PARD3B: variants seen among roughly 807,000 people sequenced by gnomAD.
PARD3B encodes partitioning defective 3 homolog B.
In PARD3B, 103 loss-of-function variants were observed where a neutral mutation model predicts 130.2. The ratio of observed to expected loss-of-function variants is 0.79; its 90% CI spans 0.67 to 0.93. The LOEUF (loss-of-function observed/expected upper bound fraction) is 0.93. Ranked by LOEUF, PARD3B falls within the 40% of genes least tolerant of loss-of-function variation. PARD3B has a pLI of 0.00. For missense variants in PARD3B, 1,609 were observed against 1,499.2 expected (o/e 1.07, Z -1.21); for synonymous variants, 583 against 553.2 (o/e 1.05, Z -0.76).
chr2:205,431,951 G>A (rs892935062), intron 19 of PARD3B, among the ~76,000 whole-genome samples: 1 of 152,086 alleles, frequency 6.6e-6, no homozygotes, highest in African/African-American at 2.4e-5. Context: ...CTTCTCTAAA[G>A]TTAAGACTTC....
rs916791795 is a variant in PARD3B, at chr2:205,122,373, G to A, written c.1165+424G>A. On this transcript the variant is annotated intron_variant, in intron 8 of 22. Coordinates refer to ENST00000406610, the MANE Select transcript of PARD3B (RefSeq NM_001302769.2). This position sits in a 1 kb window ranked among gnomAD's most constrained non-coding sequence, Gnocchi z 4.3. ...TCTAACAACAAAAATTTACTCCTCA[G>A]AAAGCAAATATGTAATGTTTACTAA... is the stretch of plus-strand genomic sequence containing the variant. Among the ~76,000 whole-genome samples, 16 of 152,132 alleles carry A rather than the reference G, an allele frequency of 1.1e-4. No homozygotes were observed. The highest frequency in any genetic ancestry group is 3.4e-4 in the African/African-American group (14 of 41,422).
chr2:205,238,138 C>T (rs151252611), intron 15 of PARD3B, among the ~76,000 whole-genome samples: 25 of 152,270 alleles, frequency 1.6e-4, no homozygotes, highest in African/African-American at 4.3e-4. Context: ...AGTACCTGAG[C>T]GGTGCTAGAC....
At chr2:205,344,194 T>TTGTGTTTGTGTGTGTGTG (rs148707708) in intron 18 of PARD3B, among the ~76,000 whole-genome samples, 204 of 141,030 alleles carry the variant, frequency 1.4e-3, no homozygotes, top group African/African-American at 5.0e-3. Flanking sequence ...GTCAGTTGGT[T>TTGTGTTTGTGTGTGTGTG]TGTGTGTGTG....
chr2:205,376,134 T>G (rs374866152), intron 18 of PARD3B, among the ~76,000 whole-genome samples: 99 of 152,244 alleles, frequency 6.5e-4, no homozygotes, highest in African/African-American at 2.1e-3. Context: ...CATTTAACTT[T>G]CCATAATCCT....
At chr2:205,010,766 C>T (rs1695645857) in intron 3 of PARD3B, among the ~76,000 whole-genome samples, 1 of 152,080 alleles carries the variant, frequency 6.6e-6, no homozygotes, top group African/African-American at 2.4e-5. Flanking sequence ...TTAGCATCCT[C>T]TATTTATCCC....
chr2:205,548,340 T>C (rs987695590), intron 21 of PARD3B, among the ~76,000 whole-genome samples: 1 of 152,156 alleles, frequency 6.6e-6, no homozygotes, highest in Non-Finnish European at 1.5e-5. Context: ...GACATCTCCA[T>C]TGACATGTCT....
chr2:204,726,821 C>T (rs1029761546), intron 2 of PARD3B, among the ~76,000 whole-genome samples: 5 of 152,174 alleles, frequency 3.3e-5, no homozygotes, highest in African/African-American at 4.8e-5. Flanking sequence ...CTCTCTGCTG[C>T]GTGGACTCAT....
At chr2:204,625,278 C>T (rs138880790) in intron 1 of PARD3B, among the ~76,000 whole-genome samples, 92 of 152,262 alleles carry the variant, frequency 6.0e-4, no homozygotes, top group African/African-American at 2.2e-3. Context: ...ATGCCCTCTG[C>T]TCTGTTAGAG....
intron 4 of PARD3B, chr2:205,048,175 T>G (rs1287518904): frequency 5.9e-5 from 9 of 152,352 alleles, no homozygotes; most frequent in Admixed American, 5.9e-4. Context: ...TTTTGTTGTG[T>G]TAACCCAATG....
chr2:205,251,773 G>T (rs1454675127), intron 16 of PARD3B, among the ~76,000 whole-genome samples: 1 of 152,092 alleles, frequency 6.6e-6, no homozygotes, highest in Non-Finnish European at 1.5e-5. Flanking sequence ...CAAGTTAATG[G>T]TTAGTGTACT....
intron 1 of PARD3B, among the ~76,000 whole-genome samples, chr2:204,590,125 A>C (rs1190394993): frequency 6.6e-6 from 1 of 152,126 alleles, no homozygotes; most frequent in Admixed American, 6.5e-5. Flanking sequence ...CTTAAGATCA[A>C]GGTGGGGGCA....
intron 19 of PARD3B, among the ~76,000 whole-genome samples, chr2:205,403,379 T>C (rs563073630): frequency 6.6e-6 from 1 of 152,356 alleles, no homozygotes; most frequent in South Asian, 2.1e-4. Context: ...TGATAAGCCA[T>C]TGGCAGTTCG....
At chr2:204,742,077 G>A (rs2040032964) in intron 2 of PARD3B, among the ~76,000 whole-genome samples, 1 of 152,150 alleles carries the variant, frequency 6.6e-6, no homozygotes, top group Non-Finnish European at 1.5e-5. Flanking sequence ...AAGCTATGCA[G>A]GGGATACTGA....
At chr2:205,295,379 G>A (rs943575819) in intron 16 of PARD3B, among the ~76,000 whole-genome samples, 2 of 152,134 alleles carry the variant, frequency 1.3e-5, no homozygotes, top group African/African-American at 4.8e-5. Flanking sequence ...CCCCTGGATG[G>A]CATTATAATA....
chr2:205,439,783 T>G (rs2106157567), intron 19 of PARD3B, among the ~76,000 whole-genome samples: 1 of 152,304 alleles, frequency 6.6e-6, no homozygotes, highest in Non-Finnish European at 1.5e-5. Context: ...TGAGACACAA[T>G]AATCCCCATT....
intron 2 of PARD3B, among the ~76,000 whole-genome samples, chr2:204,942,833 G>GA (rs1486102249): frequency 6.6e-6 from 1 of 151,928 alleles, no homozygotes. Context: ...TTCTGTTAAA[G>GA]AAAAAAATTA....
At chr2:204,854,241 C>T (rs1361945129) in intron 2 of PARD3B, among the ~76,000 whole-genome samples, 1 of 152,000 alleles carries the variant, frequency 6.6e-6, no homozygotes, top group South Asian at 2.1e-4. Context: ...GAGGAGCCAA[C>T]TCTTTCAAGG....
chr2:205,345,794 A>G lies in PARD3B; in HGVS notation c.2630+44093A>G. ...GGAGAAACTGAATAGTTACAAGGGC[A>G]CAGTGGCAATTATGATGCTTTACAA... On this transcript the variant is annotated intron_variant, in intron 18 of 22. Coordinates refer to ENST00000406610, the MANE Select transcript of PARD3B (RefSeq NM_001302769.2). Among the ~76,000 whole-genome samples the G allele has an allele frequency of 3.0e-5, 2 of 66,734 alleles. 1 individual carries two copies. The highest frequency in any genetic ancestry group is 8.8e-5 in the Non-Finnish European group (2 of 22,854). The allele number at this position is 66,734 out of a possible 152,430, so 43.8% of individuals were successfully genotyped here.
chr2:205,261,682 C>G (rs555574615), intron 16 of PARD3B, among the ~76,000 whole-genome samples: 2 of 152,238 alleles, frequency 1.3e-5, no homozygotes, highest in African/African-American at 4.8e-5. Context: ...TAGTTACAAG[C>G]TATGGTTTAT....
Sources: allele counts gnomAD v4.1 joint callset (sites outside exome capture counted in the v4.1 genomes callset), GRCh38; gene constraint gnomAD v4.1.1; non-coding constraint Gnocchi (gnomAD v3.1); transcripts MANE v1.5; gene names NCBI Gene and HGNC (gene_info 2026-07-23, HGNC 2026-07-21).